PCDHGB1: variants seen among roughly 807,000 people sequenced by gnomAD.
PCDHGB1 encodes protocadherin gamma subfamily B, 1.
Under a neutral mutation model 56.6 loss-of-function variants are expected in PCDHGB1, and 34 were observed. The ratio of observed to expected loss-of-function variants is 0.60; its 90% CI spans 0.46 to 0.80. PCDHGB1 has a LOEUF of 0.80. Ranked by LOEUF, PCDHGB1 falls within the 30% of genes least tolerant of loss-of-function variation. The pLI is 0.00. For synonymous variants in PCDHGB1, 561 were observed against 505.9 expected, an observed-to-expected ratio of 1.11 and a Z score of -1.46; for missense variants, 1,278 against 1,204.6, an observed-to-expected ratio of 1.06 and a Z score of -0.90.
intron 1 of PCDHGB1, chr5:141,415,556 CTT>C: frequency 6.2e-7 from 1 of 1,614,078 alleles, no homozygotes; most frequent in Non-Finnish European, 8.5e-7. Context: ...AAAAACGATC[CTT>C]TGTCTTTGTT....
chr5:141,356,496 G>C, intron 1 of PCDHGB1: 1 of 1,613,960 alleles, frequency 6.2e-7, no homozygotes. Context: ...CTCCTCCACT[G>C]TCTACAGAAA....
At chr5:141,378,342 G>T (rs1774822998) in intron 1 of PCDHGB1, 1 of 152,204 alleles carries the variant, frequency 6.6e-6, no homozygotes, top group African/African-American at 2.4e-5. Context: ...GACCAACATG[G>T]TGAAACCCCG....
chr5:141,447,329 G>A (rs1328071539), intron 1 of PCDHGB1, among the ~76,000 whole-genome samples: 6 of 151,732 alleles, frequency 4.0e-5, no homozygotes, highest in Admixed American at 1.3e-4. Context: ...TAGTAGAGAC[G>A]GGTTTCATCA....
rs1001089000 is a variant in PCDHGB1, at chr5:141,370,469, A to T, written c.2409+17800A>T. The T allele has an allele frequency of 4.3e-6, 7 of 1,613,198 alleles. No homozygotes were observed. The African/African-American group carries it at 9.3e-5, about 22-fold the overall frequency. Reference sequence around the variant, plus strand: ...TATTTCTCTTCCTGCTCTCTTTGTTAGACCAGGCTCTCTCCGAACCGATCC... The same window carrying T: ...TATTTCTCTTCCTGCTCTCTTTGTTTGACCAGGCTCTCTCCGAACCGATCC... On this transcript the variant is annotated intron_variant, in intron 1 of 3. Transcript: ENST00000523390.
chr5:141,404,463 A>G lies in PCDHGB1; in HGVS notation c.2409+51794A>G, dbSNP rs969137248. 10 of 1,612,548 alleles carry G rather than the reference A, an allele frequency of 6.2e-6. No homozygotes were observed. In the South Asian group the frequency reaches 9.9e-5, roughly 16 times the overall value. ...ATCCAAGGGTCTCCTCTCTCCACCTATGTCTCTATTAACTCAGACACTGGT... is the reference window on the plus strand; with the variant it reads ...ATCCAAGGGTCTCCTCTCTCCACCTGTGTCTCTATTAACTCAGACACTGGT... On this transcript the variant is annotated intron_variant, in intron 1 of 3. Transcript: ENST00000523390.
chr5:141,481,071 A>G (rs887828386), intron 1 of PCDHGB1, among the ~76,000 whole-genome samples: 19 of 152,172 alleles, frequency 1.2e-4, no homozygotes, highest in African/African-American at 4.6e-4. Context: ...AACAAAAAGA[A>G]AGAAAGAAAA....
intron 1 of PCDHGB1, among the ~76,000 whole-genome samples, chr5:141,475,341 C>T (rs1306106224): frequency 6.6e-6 from 1 of 152,162 alleles, no homozygotes; most frequent in Non-Finnish European, 1.5e-5. Context: ...CAATGACATC[C>T]AGTTTTAAAA....
chr5:141,431,462 G>A lies in PCDHGB1; in HGVS notation c.2410-63345G>A. ...GCGCATCCGCGTGATGGTTCTGGAT[G>A]CGAACGACAACGCACCAGCGTTTGC... On this transcript the variant is annotated intron_variant, in intron 1 of 3. Transcript: ENST00000523390. This position sits in a 1 kb window ranked among gnomAD's most constrained non-coding sequence, Gnocchi z 4.8. 6.2e-7 allele frequency: 1 copy of A among 1,613,826 alleles called. No individual in the cohort carries two copies. The highest frequency in any genetic ancestry group is 2.2e-5 in the East Asian group (1 of 44,886).
intron 1 of PCDHGB1, chr5:141,388,705 A>G: frequency 6.2e-7 from 1 of 1,613,994 alleles, no homozygotes; most frequent in African/African-American, 1.3e-5. Flanking sequence ...GAGGGTGTCA[A>G]TGCCGAGATT....
intron 1 of PCDHGB1, among the ~76,000 whole-genome samples, chr5:141,381,049 T>C (rs1384350654): frequency 2.0e-5 from 3 of 152,252 alleles, no homozygotes; most frequent in Admixed American, 2.0e-4. Context: ...TTATCTACTT[T>C]GTGAATGCAA....
chr5:141,489,229 G>C lies in PCDHGB1; in HGVS notation c.2410-5578G>C. The C allele has an allele frequency of 6.6e-7, 1 of 1,522,252 alleles. No homozygotes were observed. Among genetic ancestry groups the C allele is most frequent in the Non-Finnish European group, 8.8e-7 (1 of 1,133,810 alleles). The allele number at this position is 1,522,252 out of a possible 1,614,324, so 94.3% of individuals were successfully genotyped here. On this transcript the variant is annotated intron_variant, in intron 1 of 3. Coordinates refer to ENST00000523390, the MANE Select transcript of PCDHGB1 (RefSeq NM_018922.3). This position sits in a 1 kb window ranked among gnomAD's most constrained non-coding sequence, Gnocchi z 4.5. ...AGCACAGACTTACTCTCCACAAAGG[G>C]ACTTCTGGGTCATGGGGCCCAAGAC...
chr5:141,391,821 T>G (rs2092426299), intron 1 of PCDHGB1: 1 of 152,220 alleles, frequency 6.6e-6, no homozygotes, highest in African/African-American at 2.4e-5. Flanking sequence ...GTAGGTAAAG[T>G]TAATTTTAGA....
intron 1 of PCDHGB1, among the ~76,000 whole-genome samples, chr5:141,450,777 G>A (rs907160074): frequency 1.3e-5 from 2 of 150,004 alleles, no homozygotes; most frequent in East Asian, 2.0e-4. Context: ...ATGAGCCACC[G>A]TGCCCGGACC....
rs769074023 is a variant in PCDHGB1 at position 141,491,738 on chromosome 5, G to T, written c.2410-3069G>T. On this transcript the variant is annotated intron_variant, in intron 1 of 3. Transcript: ENST00000523390. The surrounding 1 kb of genome is among the most constrained non-coding windows in gnomAD (Gnocchi z 6.9). The stretch of plus-strand genomic sequence containing the variant: ...GCGCCGCCCCGGGCGACCCCTGGGG[G>T]CGGCACTGGAGAAGCCGCCCGTCCT... 38 of 1,600,228 alleles carry T rather than the reference G, an allele frequency of 2.4e-5. No homozygotes were observed. The highest frequency in any genetic ancestry group is 3.1e-5 in the Non-Finnish European group (36 of 1,174,204).
chr5:141,409,445 A>G, intron 1 of PCDHGB1: 1 of 1,613,988 alleles, frequency 6.2e-7, no homozygotes, highest in Non-Finnish European at 8.5e-7. Context: ...CCGAGAGCAG[A>G]CACCAGAATA....
At chr5:141,355,112 A>C (rs1371168297) in intron 1 of PCDHGB1, 6 of 1,509,972 alleles carry the variant, frequency 4.0e-6, no homozygotes, top group Non-Finnish European at 4.4e-6. Context: ...CTGTGAATGC[A>C]CTTTATTTTG....
chr5:141,487,100 C>A lies in PCDHGB1; in HGVS notation c.2410-7707C>A. ...CCCAGCTGACCTCCCACCACAGAAGCTGGTCATTGTGGTAAAGGATAGTGG... is the reference window on the plus strand; with the variant it reads ...CCCAGCTGACCTCCCACCACAGAAGATGGTCATTGTGGTAAAGGATAGTGG... On this transcript the variant is annotated intron_variant, in intron 1 of 3. Coordinates refer to ENST00000523390, the MANE Select transcript of PCDHGB1 (RefSeq NM_018922.3). This position sits in a 1 kb window ranked among gnomAD's most constrained non-coding sequence, Gnocchi z 5.0. The A allele has an allele frequency of 1.2e-6, 2 of 1,614,076 alleles. No homozygotes were observed. The highest frequency in any genetic ancestry group is 1.7e-6 in the Non-Finnish European group (2 of 1,179,960).
At chr5:141,386,780 A>C (rs1209529195) in intron 1 of PCDHGB1, among the ~76,000 whole-genome samples, 3 of 152,202 alleles carry the variant, frequency 2.0e-5, no homozygotes. Flanking sequence ...TGTAAAAGAA[A>C]ATCTCCTGAC....
chr5:141,445,584 G>A lies in PCDHGB1; in HGVS notation c.2410-49223G>A, dbSNP rs540956709. ...AGAAAGCTTATAGTAGGGAAGCTTC[G>A]CCTAATCTGAAGGTCAAGGAAGGCT... On this transcript the variant is annotated intron_variant, in intron 1 of 3. Transcript: ENST00000523390. Among the ~76,000 whole-genome samples, 116 of 152,286 alleles carry A rather than the reference G, an allele frequency of 7.6e-4. 2 individuals are homozygous for A. Among genetic ancestry groups the A allele is most frequent in the Non-Finnish European group, 2.4e-4 (16 of 68,024 alleles).
Sources: gnomAD v4.1 joint callset for allele counts (sites outside exome capture counted in the v4.1 genomes callset) on GRCh38, gnomAD v4.1.1 for gene constraint, Gnocchi (gnomAD v3.1) non-coding constraint, MANE v1.5 for transcripts, NCBI Gene and HGNC (gene_info 2026-07-23, HGNC 2026-07-21) for gene names.